The following SPECC1 variants were observed in gnomAD, a reference collection of about 807,000 sequenced individuals.
SPECC1 encodes cytospin-B.
In SPECC1, 62 loss-of-function variants were observed where a neutral mutation model predicts 104.1. That is an observed-to-expected ratio of 0.60 (90% CI 0.49 to 0.74). The LOEUF is 0.74. Among genes scored for constraint, SPECC1 ranks in the 30% least tolerant of loss-of-function variants. SPECC1 has a pLI of 0.00. For missense variants in SPECC1, 1,306 were observed against 1,310.5 expected, an observed-to-expected ratio of 1.00 and a Z score of 0.05; for synonymous variants, 513 against 501.6, an observed-to-expected ratio of 1.02 and a Z score of -0.30.
At chr17:20,047,777 T>G (rs1461651054) in intron 1 of SPECC1, among the ~76,000 whole-genome samples, 1 of 152,014 alleles carries the variant, frequency 6.6e-6, no homozygotes, top group African/African-American at 2.4e-5. Flanking sequence ...TTTTGTATTT[T>G]TAGTAGAGAT....
chr17:20,280,418 T>G (rs984032146), intron 12 of SPECC1, among the ~76,000 whole-genome samples: 8 of 152,212 alleles, frequency 5.3e-5, no homozygotes, highest in African/African-American at 1.9e-4. Context: ...ACTCCTGCTG[T>G]TGGGCCCAGC....
intron 11 of SPECC1, 50 bp downstream of exon 11, chr17:20,257,657 C>A: frequency 6.3e-7 from 1 of 1,594,968 alleles, no homozygotes; most frequent in Non-Finnish European, 8.5e-7. Context: ...GGCTAATCAC[C>A]TTTTATTCTT....
At chr17:20,157,082 G>A (rs1383876204) in intron 3 of SPECC1, among the ~76,000 whole-genome samples, 2 of 150,780 alleles carry the variant, frequency 1.3e-5, no homozygotes, top group African/African-American at 4.8e-5. Context: ...ATTTGAATGA[G>A]GACTTTGAGG....
chr17:20,123,014 G>T (rs1339096584), intron 3 of SPECC1, among the ~76,000 whole-genome samples: 1 of 152,120 alleles, frequency 6.6e-6, no homozygotes, highest in East Asian at 1.9e-4. Flanking sequence ...GGGATTGCTG[G>T]ATTCTCCTGA....
intron 1 of SPECC1, among the ~76,000 whole-genome samples, chr17:20,027,260 T>C (rs1463413025): frequency 6.6e-6 from 1 of 152,184 alleles, no homozygotes; most frequent in East Asian, 1.9e-4. Context: ...CTTTTGCCCA[T>C]ATAAAAACCA....
intron 3 of SPECC1, among the ~76,000 whole-genome samples, chr17:20,158,964 GT>G (rs565445737): frequency 9.1e-5 from 13 of 143,618 alleles, no homozygotes; most frequent in South Asian, 2.2e-4. Flanking sequence ...TTTTGTTTTT[GT>G]TTTTTTTTTT....
At chr17:20,277,235 A>G (rs1003909118) in intron 12 of SPECC1, among the ~76,000 whole-genome samples, 1 of 152,148 alleles carries the variant, frequency 6.6e-6, no homozygotes, top group African/African-American at 2.4e-5. Context: ...ACTGAGCCTC[A>G]CGGTAGCAGG....
chr17:20,277,733 A>G (rs2040620634), intron 12 of SPECC1, among the ~76,000 whole-genome samples: 1 of 151,626 alleles, frequency 6.6e-6, no homozygotes, highest in Non-Finnish European at 1.5e-5. Context: ...GGGGTAGGGG[A>G]CTCCATATTC....
At position 20,141,188 on chromosome 17, in the gene SPECC1, C is replaced by A. The variant is rs1257409687; in HGVS notation, c.283+30626C>A. On this transcript the variant is annotated intron_variant, in intron 3 of 14. Coordinates refer to ENST00000395527, the MANE Select transcript of SPECC1 (RefSeq NM_001243439.2). ...CTTGAGCTCCTTTCAACAGGGCATG[C>A]TTTTTCCTTTAAAAACCCTTCTGCA... is the stretch of plus-strand genomic sequence containing the variant. 2.0e-5 allele frequency among the ~76,000 whole-genome samples: 3 copies of A among 152,192 alleles called. No homozygotes were observed. The East Asian group carries it at 5.8e-4, about 29-fold the overall frequency.
At chr17:20,051,082 TTCTTTCTTTC>T (rs2045737642) in intron 1 of SPECC1, among the ~76,000 whole-genome samples, 1 of 73,780 alleles carries the variant, frequency 1.4e-5, no homozygotes, top group African/African-American at 6.1e-5. Context: ...CTTTCTTTCT[TTCTTTCTTTC>T]TTTCTTTCTT....
chr17:20,014,084 C>T (rs770241631), intron 1 of SPECC1, among the ~76,000 whole-genome samples: 1 of 152,068 alleles, frequency 6.6e-6, no homozygotes. Flanking sequence ...TTATTTACCC[C>T]AGAAGTATAT....
intron 7 of SPECC1, chr17:20,237,724 G>A (rs1055638937): frequency 5.1e-6 from 1 of 194,860 alleles, no homozygotes; most frequent in Non-Finnish European, 1.1e-5. Flanking sequence ...AGCCATCTGC[G>A]TGATGTCACA....
chr17:20,236,274 G>C (rs1437647897), intron 7 of SPECC1, among the ~76,000 whole-genome samples: 2 of 152,072 alleles, frequency 1.3e-5, no homozygotes, highest in Non-Finnish European at 2.9e-5. Flanking sequence ...GCAGAACCTG[G>C]TCCTCTCAAT....
intron 2 of SPECC1, among the ~76,000 whole-genome samples, chr17:20,099,889 G>A (rs374762060): frequency 6.6e-6 from 1 of 151,928 alleles, no homozygotes; most frequent in Non-Finnish European, 1.5e-5. Flanking sequence ...TATCCTTGGG[G>A]GATTGGTTCC....
chr17:20,051,068 TTTTC>T (rs71157856), intron 1 of SPECC1, among the ~76,000 whole-genome samples: 3,388 of 89,386 alleles, frequency 0.038, 134 homozygotes, highest in East Asian at 0.091. Context: ...CTTTCTTTCT[TTTTC>T]TTTCTTTCTT....
intron 3 of SPECC1, among the ~76,000 whole-genome samples, chr17:20,144,801 C>T (rs2031270734): frequency 6.6e-6 from 1 of 152,090 alleles, no homozygotes; most frequent in Non-Finnish European, 1.5e-5. Flanking sequence ...GTACCAAGGT[C>T]TCAAAGAAGG....
intron 1 of SPECC1, among the ~76,000 whole-genome samples, chr17:20,053,445 T>C (rs1353174902): frequency 1.3e-5 from 2 of 152,234 alleles, no homozygotes; most frequent in African/African-American, 2.4e-5. Context: ...ACACTTCTTA[T>C]TTCAAGAGGT....
intron 3 of SPECC1, among the ~76,000 whole-genome samples, chr17:20,160,604 C>A (rs2033049688): frequency 6.6e-6 from 1 of 152,130 alleles, no homozygotes; most frequent in South Asian, 2.1e-4. Flanking sequence ...ATAGTAAACA[C>A]CCATGTACCA....
At chr17:20,091,812 C>T (rs900139885) in intron 1 of SPECC1, among the ~76,000 whole-genome samples, 3 of 152,182 alleles carry the variant, frequency 2.0e-5, no homozygotes, top group African/African-American at 7.2e-5. Context: ...AGTGCCCTCT[C>T]CCACTCCTGG....
Sources: gnomAD v4.1 joint callset for allele counts (sites outside exome capture counted in the v4.1 genomes callset) on GRCh38, gnomAD v4.1.1 for gene constraint, MANE v1.5 for transcripts, NCBI Gene and HGNC (gene_info 2026-07-23, HGNC 2026-07-21) for gene names.